The following SPAG16 variants were observed in gnomAD, a reference collection of about 807,000 sequenced individuals.
SPAG16 encodes sperm-associated antigen 16 protein.
In SPAG16, 86 loss-of-function variants were observed where a neutral mutation model predicts 80.4. The ratio of observed to expected loss-of-function variants is 1.07; its 90% CI spans 0.90 to 1.28. SPAG16 has a LOEUF of 1.28. Ranked by LOEUF, SPAG16 falls within the 50% of genes most tolerant of loss-of-function variation. The pLI, the probability that SPAG16 is intolerant of heterozygous loss-of-function variation, is 0.00. For missense variants in SPAG16, 870 were observed against 765.3 expected (o/e 1.14, Z -1.61); for synonymous variants, 294 against 265.9 (o/e 1.11, Z -1.03).
rs1314271297 is a variant in SPAG16 at position 213,731,365 on chromosome 2, G to T, written c.1071-131120G>T. Among the ~76,000 whole-genome samples, 5 of 151,628 alleles carry T rather than the reference G, an allele frequency of 3.3e-5. No individual in the cohort carries two copies. In the East Asian group the frequency reaches 9.7e-4, roughly 29 times the overall value. ...AGTAGAGACGGGGTTTCACCATGTT[G>T]GGCAGGCTGGTCTTGAACTCCTGAC... On this transcript the variant is annotated intron_variant, in intron 10 of 15. Transcript: ENST00000331683.
At chr2:213,412,560 C>T (rs1354152706) in intron 9 of SPAG16, among the ~76,000 whole-genome samples, 1 of 152,252 alleles carries the variant, frequency 6.6e-6, no homozygotes, top group Middle Eastern at 3.4e-3. Context: ...TCATACTTCC[C>T]ATATTAATTT....
At chr2:213,854,764 C>G (rs917548166) in intron 10 of SPAG16, among the ~76,000 whole-genome samples, 3 of 152,246 alleles carry the variant, frequency 2.0e-5, no homozygotes, top group African/African-American at 7.2e-5. Context: ...AACAAGAATT[C>G]AAACTCACAT....
intron 13 of SPAG16, among the ~76,000 whole-genome samples, chr2:214,093,384 A>G (rs2052353907): frequency 6.6e-6 from 1 of 151,800 alleles, no homozygotes; most frequent in African/African-American, 2.4e-5. Context: ...TTTATATGCT[A>G]TTCCTTCTAT....
At chr2:213,768,246 A>G (rs1416113768) in intron 10 of SPAG16, among the ~76,000 whole-genome samples, 1 of 152,172 alleles carries the variant, frequency 6.6e-6, no homozygotes, top group African/African-American at 2.4e-5. Context: ...AAAAAGAGAT[A>G]AGAATGCAAT....
intron 15 of SPAG16, among the ~76,000 whole-genome samples, chr2:214,337,010 T>C (rs184690041): frequency 4.7e-5 from 7 of 148,710 alleles, no homozygotes; most frequent in African/African-American, 1.7e-4. Context: ...AGACAGAAAA[T>C]TGAAGCAAAA....
chr2:214,143,231 T>TG, intron 14 of SPAG16, among the ~76,000 whole-genome samples: 1 of 138,166 alleles, frequency 7.2e-6, no homozygotes, highest in Non-Finnish European at 1.5e-5. Context: ...ATCATAGTTT[T>TG]GGGTTTTTTT....
intron 11 of SPAG16, among the ~76,000 whole-genome samples, chr2:213,895,134 T>G (rs1161799857): frequency 6.7e-6 from 1 of 150,304 alleles, no homozygotes; most frequent in Non-Finnish European, 1.5e-5. Flanking sequence ...CAGTGAAGAA[T>G]CTAAAAAAGA....
At chr2:213,404,366 AC>A (rs1211132126) in intron 9 of SPAG16, among the ~76,000 whole-genome samples, 3 of 152,158 alleles carry the variant, frequency 2.0e-5, no homozygotes, top group Admixed American at 6.5e-5. Context: ...AGAGATATAG[AC>A]CAATGGAACA....
intron 15 of SPAG16, among the ~76,000 whole-genome samples, chr2:214,366,565 G>A (rs573090784): frequency 6.6e-6 from 1 of 152,224 alleles, no homozygotes; most frequent in African/African-American, 2.4e-5. Flanking sequence ...GAGAATTCCA[G>A]TAGATAACTC....
intron 3 of SPAG16, among the ~76,000 whole-genome samples, chr2:213,302,127 A>G (rs971495867): frequency 2.0e-5 from 3 of 152,136 alleles, no homozygotes; most frequent in Admixed American, 6.6e-5. Context: ...TAGAGCTACC[A>G]TTGTTTGTCC....
chr2:214,296,162 A>G (rs1490343356), intron 15 of SPAG16, among the ~76,000 whole-genome samples: 2 of 152,104 alleles, frequency 1.3e-5, no homozygotes, highest in Non-Finnish European at 1.5e-5. Context: ...TATGATTTTT[A>G]TGTTTCTGAG....
At chr2:214,097,456 A>G (rs1489269426) in intron 13 of SPAG16, among the ~76,000 whole-genome samples, 4 of 152,062 alleles carry the variant, frequency 2.6e-5, no homozygotes, top group Non-Finnish European at 4.4e-5. Context: ...CAAGAACGCA[A>G]CAGTGCACAA....
intron 10 of SPAG16, among the ~76,000 whole-genome samples, chr2:213,552,801 G>C (rs2076823304): frequency 6.6e-6 from 1 of 152,152 alleles, no homozygotes; most frequent in African/African-American, 2.4e-5. Flanking sequence ...GCGTGGCTAG[G>C]ATGAAAGCAG....
chr2:213,324,936 A>C (rs1217744288), intron 5 of SPAG16, among the ~76,000 whole-genome samples: 2 of 151,980 alleles, frequency 1.3e-5, no homozygotes, highest in African/African-American at 4.8e-5. Flanking sequence ...AGCCATTTTA[A>C]CTGTTGTGTT....
At chr2:213,327,737 C>T (rs142384747) in intron 5 of SPAG16, among the ~76,000 whole-genome samples, 71 of 152,160 alleles carry the variant, frequency 4.7e-4, no homozygotes, top group Middle Eastern at 3.4e-3. Context: ...CTAATATTCA[C>T]ATATCCTAAT....
intron 15 of SPAG16, among the ~76,000 whole-genome samples, chr2:214,403,417 A>G (rs1701825212): frequency 1.3e-5 from 2 of 150,076 alleles, no homozygotes; most frequent in South Asian, 4.2e-4. Flanking sequence ...TATAAAATGT[A>G]CCCAAAATGG....
At chr2:214,128,563 A>G (rs1479080667) in intron 14 of SPAG16, among the ~76,000 whole-genome samples, 1 of 151,776 alleles carries the variant, frequency 6.6e-6, no homozygotes, top group Admixed American at 6.7e-5. Context: ...TTGAATGAAA[A>G]CACTCCAAAG....
intron 15 of SPAG16, among the ~76,000 whole-genome samples, chr2:214,252,895 G>A (rs534077906): frequency 6.6e-6 from 1 of 152,058 alleles, no homozygotes; most frequent in East Asian, 1.9e-4. Context: ...ATGGTTGAAC[G>A]AGTTTACAGT....
chr2:214,306,984 G>C (rs1694961806), intron 15 of SPAG16, among the ~76,000 whole-genome samples: 2 of 152,092 alleles, frequency 1.3e-5, no homozygotes, highest in Non-Finnish European at 2.9e-5. Flanking sequence ...TGTACATCTG[G>C]TAGAATTCAG....
Sources: gnomAD v4.1 joint callset for allele counts (sites outside exome capture counted in the v4.1 genomes callset) on GRCh38, gnomAD v4.1.1 for gene constraint, MANE v1.5 for transcripts, NCBI Gene and HGNC (gene_info 2026-07-23, HGNC 2026-07-21) for gene names.